SDK1: variants seen among roughly 807,000 people sequenced by gnomAD.
SDK1 encodes protein sidekick-1.
SDK1 carries 157 observed loss-of-function variants against 245.5 expected under a neutral mutation model. The observed-to-expected ratio is 0.64, with a 90% CI of 0.56 to 0.73. The LOEUF is 0.73. SDK1 is among the 30% of genes least tolerant of loss of function. The pLI is 0.00. For synonymous variants in SDK1, 1,647 were observed against 1,278.5 expected, an observed-to-expected ratio of 1.29 and a Z score of -6.15; for missense variants, 3,583 against 3,002.3, an observed-to-expected ratio of 1.19 and a Z score of -4.52.
At chr7:4,034,419 A>G (rs77206758) in intron 17 of SDK1, among the ~76,000 whole-genome samples, 2,326 of 152,310 alleles carry the variant, frequency 0.015, 43 homozygotes, top group African/African-American at 0.046. Flanking sequence ...TCTTGGAAGT[A>G]CATACTCCAG....
At chr7:4,237,252 C>A (rs768187930) in intron 41 of SDK1, among the ~76,000 whole-genome samples, 12 of 151,998 alleles carry the variant, frequency 7.9e-5, no homozygotes, top group Non-Finnish European at 1.8e-4. Flanking sequence ...GATCTCACTA[C>A]ATTGCACTGG....
At chr7:3,370,814 G>C (rs968255342) in intron 1 of SDK1, among the ~76,000 whole-genome samples, 22 of 152,280 alleles carry the variant, frequency 1.4e-4, no homozygotes, top group African/African-American at 5.1e-4. Context: ...GGGAGGCCTT[G>C]GGTCATGCTG....
intron 1 of SDK1, among the ~76,000 whole-genome samples, chr7:3,450,106 T>C (rs994698180): frequency 3.9e-5 from 6 of 152,206 alleles, no homozygotes; most frequent in African/African-American, 1.4e-4. Flanking sequence ...ATAGTAAATA[T>C]AGACACTGAA....
intron 5 of SDK1, among the ~76,000 whole-genome samples, chr7:3,838,360 G>A (rs965536237): frequency 7.9e-5 from 12 of 152,218 alleles, no homozygotes; most frequent in African/African-American, 2.7e-4. Context: ...CCAGCATGGG[G>A]CACCCAGACA....
intron 30 of SDK1, among the ~76,000 whole-genome samples, chr7:4,153,563 G>C (rs1161206853): frequency 1.3e-5 from 2 of 152,184 alleles, no homozygotes; most frequent in East Asian, 3.9e-4. Flanking sequence ...TCCAGCCTGG[G>C]CAACAGAGTG....
intron 5 of SDK1, among the ~76,000 whole-genome samples, chr7:3,861,453 G>T (rs1780690312): frequency 6.6e-6 from 1 of 152,150 alleles, no homozygotes; most frequent in African/African-American, 2.4e-5. Flanking sequence ...TGGGCTTGGG[G>T]AGTGCTTGTG....
At chr7:4,089,942 T>G (rs1404784274) in intron 22 of SDK1, among the ~76,000 whole-genome samples, 1 of 152,186 alleles carries the variant, frequency 6.6e-6, no homozygotes, top group Non-Finnish European at 1.5e-5. Context: ...ATTTCTTGAC[T>G]TCTGTGACCT....
At chr7:3,906,173 C>T (rs371595405) in intron 5 of SDK1, among the ~76,000 whole-genome samples, 8 of 152,126 alleles carry the variant, frequency 5.3e-5, no homozygotes, top group African/African-American at 1.9e-4. Context: ...TTTTTAATTC[C>T]AATGACTATA....
intron 4 of SDK1, among the ~76,000 whole-genome samples, chr7:3,792,215 C>T (rs905629176): frequency 6.6e-6 from 1 of 152,064 alleles, no homozygotes; most frequent in African/African-American, 2.4e-5. Flanking sequence ...ACCATTCCAG[C>T]CCCCCACTTC....
chr7:3,703,590 T>C (rs906512446), intron 4 of SDK1, among the ~76,000 whole-genome samples: 3 of 152,180 alleles, frequency 2.0e-5, no homozygotes, highest in African/African-American at 4.8e-5. Flanking sequence ...TACTCACACA[T>C]TGCACTAATT....
At chr7:3,591,476 G>A (rs567854306) in intron 1 of SDK1, among the ~76,000 whole-genome samples, 2 of 152,344 alleles carry the variant, frequency 1.3e-5, no homozygotes, top group South Asian at 4.1e-4. Flanking sequence ...TTTCGGCTTT[G>A]GCCACGTTGT....
At chr7:4,017,433 G>T in intron 17 of SDK1, 81 bp downstream of exon 17, 1 of 1,299,516 alleles carries the variant, frequency 7.7e-7, no homozygotes, top group South Asian at 1.5e-5. Context: ...GAGTACGTTA[G>T]AAAGAAAAAC....
chr7:4,059,881 C>CT (rs538796519), intron 19 of SDK1, among the ~76,000 whole-genome samples: 8,827 of 139,828 alleles, frequency 0.063, 368 homozygotes, highest in Middle Eastern at 0.11. Context: ...TTAAAAATTT[C>CT]TTTTTTTTTT....
chr7:3,343,737 G>C (rs1424710919), intron 1 of SDK1, among the ~76,000 whole-genome samples: 1 of 152,084 alleles, frequency 6.6e-6, no homozygotes, highest in Non-Finnish European at 1.5e-5. Context: ...AATATGAATG[G>C]ACTGACTTCT....
chr7:3,850,166 C>A (rs1355060378), intron 5 of SDK1, among the ~76,000 whole-genome samples: 1 of 152,158 alleles, frequency 6.6e-6, no homozygotes, highest in African/African-American at 2.4e-5. Context: ...ATGGACCCAC[C>A]CCCCTTCGAG....
At chr7:4,205,728 CT>C (rs1784178015) in intron 35 of SDK1, 150 bp from the exon 36 acceptor site, 1 of 664,498 alleles carries the variant, frequency 1.5e-6, no homozygotes, top group Admixed American at 2.4e-5. Flanking sequence ...TGTCTAAGGC[CT>C]CCTAAGCCAG....
intron 1 of SDK1, among the ~76,000 whole-genome samples, chr7:3,480,065 C>T (rs1378992208): frequency 6.6e-6 from 1 of 152,064 alleles, no homozygotes; most frequent in East Asian, 1.9e-4. Context: ...CTTTACATGG[C>T]AAAGGGGAAT....
rs748152363 is a variant in SDK1, at chr7:3,987,219, C to A, written c.2028C>A (p.Val676=). Reference sequence around the variant, plus strand: ...CTCATTCACCTCAGAACCTCCTGGTCAGCCCTAATTCTTCCCACAGCCACG... The same window carrying A: ...CTCATTCACCTCAGAACCTCCTGGTAAGCCCTAATTCTTCCCACAGCCACG... ...ELPHSPQNLL[V]SPNSSHSHAV... Residue 676 remains valine (V), a synonymous_variant, in exon 14 of 45, where the codon GTC becomes GTA. Coordinates refer to ENST00000404826, the MANE Select transcript of SDK1 (RefSeq NM_152744.4). 73 of 1,614,010 alleles carry A rather than the reference C, an allele frequency of 4.5e-5. 1 individual carries two copies. In the South Asian group the frequency reaches 7.9e-4, roughly 17 times the overall value.
intron 1 of SDK1, among the ~76,000 whole-genome samples, chr7:3,373,950 A>T (rs1014993181): frequency 9.2e-5 from 14 of 152,198 alleles, no homozygotes; most frequent in African/African-American, 3.4e-4. Flanking sequence ...TTTAAAGAGG[A>T]TCTTTAAAAA....
Sources: allele counts gnomAD v4.1 joint callset (sites outside exome capture counted in the v4.1 genomes callset), GRCh38; gene constraint gnomAD v4.1.1; transcripts MANE v1.5; gene names NCBI Gene and HGNC (gene_info 2026-07-23, HGNC 2026-07-21).